The following DCBLD2 variants were observed in gnomAD, a reference collection of about 807,000 sequenced individuals.
DCBLD2 encodes discoidin, CUB and LCCL domain-containing protein 2.
Under a neutral mutation model 86.8 loss-of-function variants are expected in DCBLD2, and 54 were observed. That is an observed-to-expected ratio of 0.62 (90% confidence interval 0.50 to 0.78). The LOEUF (loss-of-function observed/expected upper bound fraction) is 0.78. Among genes scored for constraint, DCBLD2 ranks in the 30% least tolerant of loss-of-function variants. DCBLD2 has a pLI of 0.00. For synonymous variants in DCBLD2, 354 were observed against 341.3 expected, an observed-to-expected ratio of 1.04 and a Z score of -0.41; for missense variants, 908 against 954.2, an observed-to-expected ratio of 0.95 and a Z score of 0.64.
chr3:98,809,045 C>A (rs1941888523), intron 12 of DCBLD2, among the ~76,000 whole-genome samples: 1 of 151,998 alleles, frequency 6.6e-6, no homozygotes, highest in Non-Finnish European at 1.5e-5. Context: ...GGGAAGGTAA[C>A]AATGTGGTGT....
At chr3:98,863,431 C>A (rs945406144) in intron 2 of DCBLD2, among the ~76,000 whole-genome samples, 20 of 152,100 alleles carry the variant, frequency 1.3e-4, no homozygotes, top group African/African-American at 4.8e-4. Flanking sequence ...AAGAACAAAG[C>A]GGGAGGCATC....
At chr3:98,824,972 G>C (rs1274516684) in intron 4 of DCBLD2, among the ~76,000 whole-genome samples, 1 of 151,546 alleles carries the variant, frequency 6.6e-6, no homozygotes, top group Non-Finnish European at 1.5e-5. Flanking sequence ...TTCTATAACA[G>C]CCAAAACCAT....
At position 98,884,417 on chromosome 3, in the gene DCBLD2, C is replaced by A. The variant is rs190014843; in HGVS notation, c.206-2650G>T. ...TTACACAGTCCATAAAAAAAAAAAACCACAAATTTCCCCTGAAACTGGCAT... is the reference window on the plus strand; with the variant it reads ...TTACACAGTCCATAAAAAAAAAAAAACACAAATTTCCCCTGAAACTGGCAT... On this transcript the variant is annotated intron_variant, in intron 1 of 15. Transcript: ENST00000326840. 4.9e-3 allele frequency among the ~76,000 whole-genome samples: 731 copies of A among 148,598 alleles called. 2 individuals carry two copies. Among genetic ancestry groups the A allele is most frequent in the African/African-American group, 0.011 (457 of 40,654 alleles).
chr3:98,800,381 A>G (rs1215307023), intron 15 of DCBLD2, among the ~76,000 whole-genome samples, 198 bp downstream of exon 15: 6 of 152,234 alleles, frequency 3.9e-5, no homozygotes, highest in Admixed American at 3.9e-4. Flanking sequence ...TCAATGTCCC[A>G]ACTTTACAGA....
chr3:98,881,165 G>T (rs916426545), intron 2 of DCBLD2, among the ~76,000 whole-genome samples: 1 of 150,840 alleles, frequency 6.6e-6, no homozygotes, highest in Admixed American at 6.6e-5. Context: ...GAGGCAGGAG[G>T]ATAGCTTGAA....
chr3:98,882,771 A>G (rs1438987173), intron 1 of DCBLD2, among the ~76,000 whole-genome samples: 2 of 152,174 alleles, frequency 1.3e-5, no homozygotes, highest in Non-Finnish European at 2.9e-5. Flanking sequence ...TTATGGCTGC[A>G]TAGTATTCCA....
intron 1 of DCBLD2, among the ~76,000 whole-genome samples, chr3:98,896,598 G>A (rs891741220): frequency 1.3e-5 from 2 of 152,156 alleles, no homozygotes; most frequent in Non-Finnish European, 2.9e-5. Context: ...ATATGTAATA[G>A]AAAGGAAAGT....
chr3:98,869,938 T>C (rs1373372493), intron 2 of DCBLD2, among the ~76,000 whole-genome samples: 2 of 152,232 alleles, frequency 1.3e-5, no homozygotes, highest in Non-Finnish European at 2.9e-5. Flanking sequence ...AATAGGATAA[T>C]GTCTTTTGTT....
intron 1 of DCBLD2, among the ~76,000 whole-genome samples, chr3:98,898,489 A>T (rs1189571435): frequency 6.6e-6 from 1 of 151,832 alleles, no homozygotes; most frequent in Non-Finnish European, 1.5e-5. Flanking sequence ...ACTATATGCG[A>T]ATTACAGAAA....
At chr3:98,846,634 C>T (rs1942729250) in intron 3 of DCBLD2, among the ~76,000 whole-genome samples, 1 of 152,150 alleles carries the variant, frequency 6.6e-6, no homozygotes, top group Non-Finnish European at 1.5e-5. Context: ...ATGATTATGA[C>T]TTTGGAAAGT....
chr3:98,855,599 ATTTC>A (rs1264432898), intron 2 of DCBLD2, among the ~76,000 whole-genome samples: 1 of 152,192 alleles, frequency 6.6e-6, no homozygotes, highest in Non-Finnish European at 1.5e-5. Flanking sequence ...AAAACTATGC[ATTTC>A]TTTGACTGTA....
chr3:98,837,035 GCCGGGCGGGGGGGCTGA>G (rs1473486541), intron 3 of DCBLD2, among the ~76,000 whole-genome samples: 1 of 52,344 alleles, frequency 1.9e-5, no homozygotes, highest in African/African-American at 9.4e-5. Context: ...GGGGCGGCTG[GCCGGGCGGGGGGGCTGA>G]CCCCCCCCAT....
Position 98,812,494 on chromosome 3 carries a change from C to A in DCBLD2, c.1213-12G>T, listed in dbSNP as rs781459598. The A allele has an allele frequency of 3.1e-6, 5 of 1,607,174 alleles. No individual in the cohort carries two copies. The highest frequency in any genetic ancestry group is 1.3e-5 in the African/African-American group (1 of 74,548). On this transcript the variant is annotated splice_polypyrimidine_tract_variant and intron_variant, in intron 9 of 15. Transcript: ENST00000326840. The stretch of plus-strand genomic sequence containing the variant: ...TTTCCTTGAAATATCTTTAAAAAAA[C>A]AACAAAAAATTGGTACTTCAAATCA...
At chr3:98,888,326 A>G (rs1270603647) in intron 1 of DCBLD2, among the ~76,000 whole-genome samples, 1 of 151,948 alleles carries the variant, frequency 6.6e-6, no homozygotes, top group African/African-American at 2.4e-5. Context: ...AATAACATGA[A>G]GGAATGTGAG....
chr3:98,881,894 TTA>T, intron 1 of DCBLD2, 127 bp from the exon 2 acceptor site: 1 of 925,162 alleles, frequency 1.1e-6, no homozygotes. Flanking sequence ...ACTTTCTATT[TTA>T]TTTTTTTTAA....
intron 1 of DCBLD2, among the ~76,000 whole-genome samples, chr3:98,891,402 A>G (rs1279261559): frequency 1.3e-5 from 2 of 152,030 alleles, no homozygotes; most frequent in African/African-American, 4.8e-5. Flanking sequence ...TATACTTTTT[A>G]TCTCCTTAGC....
chr3:98,802,742 G>T (rs1316014615), intron 13 of DCBLD2, among the ~76,000 whole-genome samples: 1 of 152,102 alleles, frequency 6.6e-6, no homozygotes, highest in African/African-American at 2.4e-5. Flanking sequence ...GTAAGGAAGG[G>T]ATCCAGTTTC....
At chr3:98,895,231 T>C (rs1489502247) in intron 1 of DCBLD2, 3 of 152,336 alleles carry the variant, frequency 2.0e-5, no homozygotes, top group East Asian at 3.9e-4. Context: ...ATTACTTACA[T>C]GATACGCAAA....
chr3:98,879,535 C>T (rs1242595876), intron 2 of DCBLD2, among the ~76,000 whole-genome samples: 6 of 152,064 alleles, frequency 3.9e-5, no homozygotes, highest in African/African-American at 7.2e-5. Context: ...TACAGGCGCC[C>T]GCCACCACGC....
Sources: allele counts gnomAD v4.1 joint callset (sites outside exome capture counted in the v4.1 genomes callset), GRCh38; gene constraint gnomAD v4.1.1; transcripts MANE v1.5; gene names NCBI Gene and HGNC (gene_info 2026-07-23, HGNC 2026-07-21).